Variants in SHPK observed in about 807,000 individuals in gnomAD.
SHPK encodes the protein sedoheptulokinase.
A neutral mutation model predicts 46.3 loss-of-function variants in SHPK; 51 were observed. That is an observed-to-expected ratio of 1.10 (90% CI 0.88 to 1.39). SHPK has a LOEUF of 1.39. SHPK is among the 40% of genes most tolerant of loss of function. The pLI is 0.00. For missense variants in SHPK, 668 were observed against 641.3 expected (o/e 1.04, Z -0.45); for synonymous variants, 290 against 273.9 (o/e 1.06, Z -0.58).
At position 3,624,438 on chromosome 17, in the gene SHPK, C is replaced by T. The variant is rs1016940986; in HGVS notation, c.311-207G>A. On this transcript the variant is annotated intron_variant, in intron 2 of 6. Transcript: ENST00000225519. ...TGGGACCCTGGGCACGTCACATACT[C>T]CCTCCATTTGCCCCACTTCTCTGTT... is the stretch of plus-strand genomic sequence containing the variant. Among the ~76,000 whole-genome samples the T allele has an allele frequency of 2.2e-4, 33 of 152,078 alleles. 1 individual carries two copies. Among genetic ancestry groups the T allele is most frequent in the Non-Finnish European group, 2.6e-4 (18 of 68,008 alleles).
At chr17:3,613,386 G>A (rs530051962) in intron 6 of SHPK, among the ~76,000 whole-genome samples, 2 of 152,140 alleles carry the variant, frequency 1.3e-5, no homozygotes, top group Non-Finnish European at 2.9e-5. Flanking sequence ...GAGGAGTCAC[G>A]CCATGGGAAT....
intron 5 of SHPK, among the ~76,000 whole-genome samples, chr17:3,617,248 C>A (rs1457688870): frequency 6.6e-6 from 1 of 152,172 alleles, no homozygotes; most frequent in Non-Finnish European, 1.5e-5. Flanking sequence ...CTGGGAGCAA[C>A]AAGCAAACGG....
chr17:3,630,474 C>T, intron 1 of SHPK, 128 bp from the exon 2 acceptor site: 1 of 977,464 alleles, frequency 1.0e-6, no homozygotes, highest in Non-Finnish European at 1.5e-6. Context: ...ACAGTTGAGG[C>T]ACTGCTGCAG....
In SHPK at chr17:3,624,043, C is replaced by T. The variant is rs753913431; in HGVS notation, c.494+5G>A. 144 of 1,598,436 alleles carry T rather than the reference C, an allele frequency of 9.0e-5. No homozygotes were observed. The highest frequency in any genetic ancestry group is 3.7e-4 in the Admixed American group (22 of 59,214). ...GCACCCGAGTGAAAGTGCAGTTGCC[C>T]GTACCGATATTTCAAAAGCCAGAAG... On this transcript the variant is annotated splice_donor_5th_base_variant and intron_variant, in intron 3 of 6. Transcript: ENST00000225519.
intron 1 of SHPK, among the ~76,000 whole-genome samples, chr17:3,632,645 C>T (rs2150876073): frequency 6.6e-6 from 1 of 152,272 alleles, no homozygotes; most frequent in South Asian, 2.1e-4. Flanking sequence ...CAGGAATAGA[C>T]ATTGCCCCCA....
intron 6 of SHPK, among the ~76,000 whole-genome samples, chr17:3,613,925 T>TG (rs1197634841): frequency 6.6e-6 from 1 of 152,120 alleles, no homozygotes; most frequent in African/African-American, 2.4e-5. Flanking sequence ...ACTTGGGCCA[T>TG]GACCCAAGCT....
intron 2 of SHPK, among the ~76,000 whole-genome samples, chr17:3,625,832 C>A (rs529123687): frequency 1.3e-5 from 2 of 152,188 alleles, no homozygotes; most frequent in Non-Finnish European, 2.9e-5. Context: ...GTGGGCGGAT[C>A]ACCTGAGGTG....
intron 2 of SHPK, 126 bp from the exon 3 acceptor site, chr17:3,624,357 A>T: frequency 1.2e-6 from 1 of 865,340 alleles, no homozygotes; most frequent in Non-Finnish European, 1.8e-6. Context: ...AGCCTGGCAC[A>T]CCTATGGGTC....
At chr17:3,625,252 T>C (rs2075426397) in intron 2 of SHPK, among the ~76,000 whole-genome samples, 2 of 152,228 alleles carry the variant, frequency 1.3e-5, no homozygotes, top group Admixed American at 1.3e-4. Context: ...AATTCTTCAC[T>C]ACTCCTCCCA....
At chr17:3,629,244 G>A (rs1032157219) in intron 2 of SHPK, among the ~76,000 whole-genome samples, 1 of 152,110 alleles carries the variant, frequency 6.6e-6, no homozygotes, top group African/African-American at 2.4e-5. Context: ...ATGTCACCAG[G>A]TTGTTGGGAA....
rs546712832 is a variant in SHPK at position 3,610,375 on chromosome 17, C to A, written c.*185G>T. 6 of 618,300 alleles carry A rather than the reference C, an allele frequency of 9.7e-6. No homozygotes were observed. The highest frequency in any genetic ancestry group is 3.7e-5 in the African/African-American group (2 of 54,474). The allele number at this position is 618,300 out of a possible 1,614,324, so 38.3% of individuals were successfully genotyped here. On this transcript the variant is annotated 3_prime_UTR_variant, in exon 7 of 7. Coordinates refer to ENST00000225519, the MANE Select transcript of SHPK (RefSeq NM_013276.4). ...AGGCACTCATTTGGGATCTGGCTGA[C>A]GGCTCCTGGCTGCATTATTAGAGTA...
chr17:3,610,498 T>C lies in SHPK; in HGVS notation c.*62A>G. 6.0e-6 allele frequency: 9 copies of C among 1,490,512 alleles called. No homozygotes were observed. Among genetic ancestry groups the C allele is most frequent in the Non-Finnish European group, 8.2e-6 (9 of 1,097,142 alleles). The allele number at this position is 1,490,512 out of a possible 1,614,324, so 92.3% of individuals were successfully genotyped here. A position where few individuals can be genotyped will look rare whatever the true frequency, so the allele number is the denominator to read the frequency against. ...GTCCAGGGAAAGGATGACCCACAGA[T>C]GGTGTCAGGAATGTTAATCAGGTAA... On this transcript the variant is annotated 3_prime_UTR_variant, in exon 7 of 7. Coordinates refer to ENST00000225519, the MANE Select transcript of SHPK (RefSeq NM_013276.4).
chr17:3,617,251 G>T (rs1320282868), intron 5 of SHPK, among the ~76,000 whole-genome samples: 1 of 152,172 alleles, frequency 6.6e-6, no homozygotes, highest in Non-Finnish European at 1.5e-5. Context: ...GGAGCAACAA[G>T]CAAACGGGCA....
chr17:3,623,362 C>T lies in SHPK; in HGVS notation c.624G>A (p.Gln208=). 1.2e-6 allele frequency: 2 copies of T among 1,614,208 alleles called. No homozygotes were observed. Among genetic ancestry groups the T allele is most frequent in the South Asian group, 1.1e-5 (1 of 91,084 alleles). Residue 208 remains glutamine (Q), a synonymous_variant, in exon 4 of 7, where the codon CAG becomes CAA. Transcript: ENST00000225519. The part of the protein sequence containing the change: ...NAASWGYFNT[Q]SQSWNVETLR... ...ACGTCTCTACGTTCCAGCTTTGGCTCTGCGTGTTGAAATAGCCCCAGCTGG... is the reference window on the plus strand; with the variant it reads ...ACGTCTCTACGTTCCAGCTTTGGCTTTGCGTGTTGAAATAGCCCCAGCTGG...
At position 3,610,754 on chromosome 17, in the gene SHPK, G is replaced by C. The variant is rs182947003; in HGVS notation, c.1243C>G (p.Pro415Ala). ...CCCCACTCCTGGAGCTGCTGAATCG[G>C]AAGCATGGAGTGCAGGTTCTGAACA... is the stretch of plus-strand genomic sequence containing the variant. Reference protein sequence around the residue: ...GIVQNLHSMLPIQQLQEWGVE... With the variant: ...GIVQNLHSMLAIQQLQEWGVE... Residue 415 changes from proline to alanine, a missense_variant, in exon 7 of 7, where the codon CCG (proline) becomes GCG (alanine). Physicochemically the swap from Pro to Ala is conservative, Grantham distance 27. Coordinates refer to ENST00000225519, the MANE Select transcript of SHPK (RefSeq NM_013276.4). The C allele has an allele frequency of 6.2e-6, 10 of 1,614,098 alleles. No homozygotes were observed. The Admixed American group carries it at 1.2e-4, about 19-fold the overall frequency.
chr17:3,628,006 G>C (rs147976332), intron 2 of SHPK, among the ~76,000 whole-genome samples: 94 of 152,034 alleles, frequency 6.2e-4, no homozygotes, highest in African/African-American at 2.2e-3. Flanking sequence ...GGAGGAGGAA[G>C]AGCCTGCATC....
chr17:3,615,880 A>G (rs2075369063), intron 5 of SHPK, among the ~76,000 whole-genome samples: 1 of 138,552 alleles, frequency 7.2e-6, no homozygotes, highest in African/African-American at 2.9e-5. Flanking sequence ...TTTGAGACAG[A>G]GTCTCGCTCT....
chr17:3,630,757 A>C (rs1284402017), intron 1 of SHPK, among the ~76,000 whole-genome samples: 1 of 152,110 alleles, frequency 6.6e-6, no homozygotes, highest in East Asian at 1.9e-4. Flanking sequence ...CCAGCTACTC[A>C]GGAGGCTGAG....
rs1333478419 is a variant in SHPK, at chr17:3,609,227, G to C, written c.*1333C>G. The stretch of plus-strand genomic sequence containing the variant: ...ATCTGACATTTGGCCAGAGTGATCA[G>C]GCATTTGCTCTCATCTTAGAGCTTC... On this transcript the variant is annotated 3_prime_UTR_variant, in exon 7 of 7. Coordinates refer to ENST00000225519, the MANE Select transcript of SHPK (RefSeq NM_013276.4). 1 of 152,114 alleles carries C rather than the reference G, an allele frequency of 6.6e-6. No individual in the cohort carries two copies. The allele number at this position is 152,114 out of a possible 1,614,324, so 9.4% of individuals were successfully genotyped here.
Sources: allele counts gnomAD v4.1 joint callset (sites outside exome capture counted in the v4.1 genomes callset), GRCh38; gene constraint gnomAD v4.1.1; transcripts MANE v1.5; gene names NCBI Gene and HGNC (gene_info 2026-07-23, HGNC 2026-07-21).